GSTCD: variants seen among roughly 807,000 people sequenced by gnomAD.
GSTCD encodes the protein glutathione S-transferase C-terminal domain-containing protein.
In GSTCD, 44 loss-of-function variants were observed where a neutral mutation model predicts 68.3. The ratio of observed to expected loss-of-function variants is 0.64; its 90% confidence interval spans 0.51 to 0.83. GSTCD has a LOEUF of 0.83. GSTCD is among the 40% of genes least tolerant of loss of function. GSTCD has a pLI of 0.00. For synonymous variants in GSTCD, 273 were observed against 255.2 expected (o/e 1.07, Z -0.67); for missense variants, 739 against 735.9 (o/e 1.00, Z -0.05).
In GSTCD at chr4:105,834,426, G is replaced by C. The variant is rs1475206492; in HGVS notation, c.1531-35G>C. The C allele has an allele frequency of 3.7e-6, 6 of 1,603,356 alleles. No individual in the cohort carries two copies. In the African/African-American group the frequency reaches 4.0e-5, roughly 11 times the overall value. On this transcript the variant is annotated intron_variant, in intron 8 of 11. Transcript: ENST00000515279. ...TAAAAATTGCACTGTGAGTTAAGAG[G>C]GAACTTAGTGCTAAGGCCTGGTTTT...
chr4:105,842,294 G>A lies in GSTCD; in HGVS notation c.1765+160G>A, dbSNP rs561634370. Among the ~76,000 whole-genome samples, 5 of 152,266 alleles carry A rather than the reference G, an allele frequency of 3.3e-5. No individual in the cohort carries two copies. In the South Asian group the frequency reaches 1.0e-3, roughly 32 times the overall value. On this transcript the variant is annotated intron_variant, in intron 11 of 11. Transcript: ENST00000515279. ...AAAAAAACTTAATTCATATTGAAAA[G>A]GGTATTGTAACTATAACATTTTATC... is the stretch of plus-strand genomic sequence containing the variant.
intron 9 of GSTCD, among the ~76,000 whole-genome samples, chr4:105,837,328 G>C (rs943292479): frequency 6.6e-6 from 1 of 152,094 alleles, no homozygotes; most frequent in Non-Finnish European, 1.5e-5. Flanking sequence ...CAAACAAGTA[G>C]GAACGGCCCT....
At chr4:105,801,045 C>T (rs1477373367) in intron 5 of GSTCD, among the ~76,000 whole-genome samples, 3 of 152,114 alleles carry the variant, frequency 2.0e-5, no homozygotes, top group South Asian at 4.2e-4. Flanking sequence ...CACTGGCAGC[C>T]ATTTTAATAG....
chr4:105,733,391 AT>A (rs1292729930), intron 5 of GSTCD, among the ~76,000 whole-genome samples: 1 of 152,178 alleles, frequency 6.6e-6, no homozygotes, highest in Non-Finnish European at 1.5e-5. Context: ...GTGCATATAT[AT>A]TTAGGATAGT....
intron 5 of GSTCD, among the ~76,000 whole-genome samples, chr4:105,794,233 C>T (rs1200284499): frequency 1.3e-5 from 2 of 151,970 alleles, no homozygotes; most frequent in African/African-American, 4.8e-5. Context: ...GTGAAAAGAT[C>T]AGTGGTTGCC....
At position 105,722,665 on chromosome 4, in the gene GSTCD, A is replaced by G. The variant is rs539386494; in HGVS notation, c.894+3138A>G. ...ATCTTGCTTCTCTTTTTATTCTGAC[A>G]AATTTTTCTGCCCTTTATTGACAAT... On this transcript the variant is annotated intron_variant, in intron 3 of 11. Transcript: ENST00000515279. 3.9e-5 allele frequency among the ~76,000 whole-genome samples: 6 copies of G among 152,140 alleles called. No homozygotes were observed. The South Asian group carries it at 1.2e-3, about 31-fold the overall frequency.
intron 5 of GSTCD, among the ~76,000 whole-genome samples, chr4:105,739,326 T>C (rs1317908784): frequency 6.6e-6 from 1 of 152,196 alleles, no homozygotes; most frequent in Non-Finnish European, 1.5e-5. Context: ...TTTTTTGTTG[T>C]TGCTGTATTC....
intron 5 of GSTCD, among the ~76,000 whole-genome samples, chr4:105,794,835 C>T (rs575103943): frequency 1.6e-4 from 16 of 99,498 alleles, no homozygotes; most frequent in South Asian, 7.6e-4. Context: ...ATCTATCTAT[C>T]TATTTATCTA....
chr4:105,845,675 C>A lies in GSTCD; in HGVS notation c.*98C>A. On this transcript the variant is annotated 3_prime_UTR_variant, in exon 12 of 12. Transcript: ENST00000515279. ...TGGCATAACTAGGAAACAGCATTAG[C>A]CATCTTGAACCTATTGTGCTCAGGA... is the stretch of plus-strand genomic sequence containing the variant. 2 of 1,236,214 alleles carry A rather than the reference C, an allele frequency of 1.6e-6. No individual in the cohort carries two copies. Among genetic ancestry groups the A allele is most frequent in the Non-Finnish European group, 2.3e-6 (2 of 860,792 alleles). The allele number at this position is 1,236,214 out of a possible 1,614,324, so 76.6% of individuals were successfully genotyped here.
intron 5 of GSTCD, among the ~76,000 whole-genome samples, chr4:105,759,370 T>A (rs184625235): frequency 1.2e-3 from 185 of 152,234 alleles, no homozygotes; most frequent in Non-Finnish European, 2.3e-3. Flanking sequence ...ATGAAGGTGG[T>A]GATGATAGTT....
At position 105,791,387 on chromosome 4, in the gene GSTCD, C is replaced by T. The variant is rs542089218; in HGVS notation, c.1241-31567C>T. On this transcript the variant is annotated intron_variant, in intron 5 of 11. Coordinates refer to ENST00000515279, the MANE Select transcript of GSTCD (RefSeq NM_001370181.1). Reference sequence around the variant, plus strand: ...CAGCCTGGGCAACAGAGCGAGACTCCGTCTCAAAAAAAAAAAAAAAAAGAA... The same window carrying T: ...CAGCCTGGGCAACAGAGCGAGACTCTGTCTCAAAAAAAAAAAAAAAAAGAA... Among the ~76,000 whole-genome samples the T allele has an allele frequency of 8.8e-3, 1,227 of 138,736 alleles. 32 individuals are homozygous for T. The highest frequency in any genetic ancestry group is 0.032 in the African/African-American group (1,157 of 36,300). The allele number at this position is 138,736 out of a possible 152,430, so 91.0% of individuals were successfully genotyped here. A position where few individuals can be genotyped will look rare whatever the true frequency, so the allele number is the denominator to read the frequency against.
chr4:105,739,812 T>G (rs1733572417), intron 5 of GSTCD, among the ~76,000 whole-genome samples: 1 of 152,258 alleles, frequency 6.6e-6, no homozygotes, highest in Non-Finnish European at 1.5e-5. Flanking sequence ...TTAGAGGCAG[T>G]GTGCAGCTTC....
intron 5 of GSTCD, among the ~76,000 whole-genome samples, chr4:105,811,388 T>G (rs1209588865): frequency 6.6e-6 from 1 of 151,920 alleles, no homozygotes; most frequent in Non-Finnish European, 1.5e-5. Context: ...ATGGCGTGTT[T>G]GAAGAATAAC....
chr4:105,814,954 G>A (rs2149269200), intron 5 of GSTCD, among the ~76,000 whole-genome samples: 1 of 152,272 alleles, frequency 6.6e-6, no homozygotes, highest in Non-Finnish European at 1.5e-5. Context: ...GAATAGCCCT[G>A]CCTTTGAGTG....
At chr4:105,715,946 A>T (rs964939111) in intron 1 of GSTCD, among the ~76,000 whole-genome samples, 4 of 152,168 alleles carry the variant, frequency 2.6e-5, no homozygotes, top group Non-Finnish European at 4.4e-5. Context: ...GGAAATGTAT[A>T]AACATAAAAA....
At chr4:105,761,766 G>T (rs1230428483) in intron 5 of GSTCD, 2 of 152,180 alleles carry the variant, frequency 1.3e-5, no homozygotes, top group African/African-American at 4.8e-5. Flanking sequence ...AAAAAACAGA[G>T]AAAATTATCT....
intron 5 of GSTCD, among the ~76,000 whole-genome samples, chr4:105,812,316 C>T (rs1261403721): frequency 6.6e-6 from 1 of 152,018 alleles, no homozygotes; most frequent in Non-Finnish European, 1.5e-5. Context: ...GTTGGTTTTG[C>T]GTATGTGTGC....
In GSTCD at chr4:105,795,741, T is replaced by G. The variant is rs74922915; in HGVS notation, c.1241-27213T>G. Among the ~76,000 whole-genome samples the G allele has an allele frequency of 3.6e-3, 555 of 152,268 alleles. 4 individuals are homozygous for G. Among genetic ancestry groups the G allele is most frequent in the Admixed American group, 7.1e-3 (108 of 15,300 alleles). On this transcript the variant is annotated intron_variant, in intron 5 of 11. Transcript: ENST00000515279. Reference sequence around the variant, plus strand: ...CAGTTGTACACATACATGTAAACATTTATAGATCACCTTGTTAATTATTTA... The same window carrying G: ...CAGTTGTACACATACATGTAAACATGTATAGATCACCTTGTTAATTATTTA...
At chr4:105,719,566 T>A (rs780847255) in intron 3 of GSTCD, 39 bp downstream of exon 3, 1 of 1,440,044 alleles carries the variant, frequency 6.9e-7, no homozygotes, top group Non-Finnish European at 9.7e-7. Context: ...ACTATGAGTT[T>A]CAGTCTATGA....
Sources: allele counts gnomAD v4.1 joint callset (sites outside exome capture counted in the v4.1 genomes callset), GRCh38; gene constraint gnomAD v4.1.1; transcripts MANE v1.5; gene names NCBI Gene and HGNC (gene_info 2026-07-23, HGNC 2026-07-21).